Variants in RTN4R observed in about 807,000 individuals in gnomAD.
RTN4R encodes reticulon 4 receptor.
RTN4R carries 4 observed loss-of-function variants against 27.7 expected under a neutral mutation model. The ratio of observed to expected loss-of-function variants is 0.14; its 90% CI spans 0.07 to 0.33. The LOEUF is 0.33. Ranked by LOEUF, RTN4R falls within the 10% of genes least tolerant of loss-of-function variation. The pLI is 1.00. For synonymous variants in RTN4R, 290 were observed against 305.6 expected (o/e 0.95, Z 0.53); for missense variants, 554 against 671.5 (o/e 0.83, Z 1.93).
chr22:20,241,429 C>G lies in RTN4R; in HGVS notation c.*282G>C. On this transcript the variant is annotated 3_prime_UTR_variant, in exon 2 of 2. Coordinates refer to ENST00000043402, the MANE Select transcript of RTN4R (RefSeq NM_023004.6). The stretch of plus-strand genomic sequence containing the variant: ...GAGGCCACAGCTTAAGAAAAGAGCT[C>G]TTTATTCCACGTCGTCCGATATTTT... 1 of 510,298 alleles carries G rather than the reference C, an allele frequency of 2.0e-6. No homozygotes were observed. The highest frequency in any genetic ancestry group is 3.5e-5 in the East Asian group (1 of 28,316). The allele number at this position is 510,298 out of a possible 1,614,324, so 31.6% of individuals were successfully genotyped here. A position where few individuals can be genotyped will look rare whatever the true frequency, so the allele number is the denominator to read the frequency against.
At chr22:20,267,790 C>G (rs568018050) in intron 1 of RTN4R, 71 of 397,886 alleles carry the variant, frequency 1.8e-4, no homozygotes, top group African/African-American at 1.4e-3. Flanking sequence ...TCGACTTGGC[C>G]CAGCATCGGG....
intron 1 of RTN4R, among the ~76,000 whole-genome samples, chr22:20,262,588 A>T (rs371352126): frequency 6.6e-6 from 1 of 152,312 alleles, no homozygotes; most frequent in East Asian, 1.9e-4. Flanking sequence ...ACCAAGGGCC[A>T]GCCCTCCACA....
At position 20,242,769 on chromosome 22, in the gene RTN4R, C is replaced by T. The variant is rs1293232737; in HGVS notation, c.364G>A (p.Asp122Asn). 64 of 1,612,734 alleles carry T rather than the reference C, an allele frequency of 4.0e-5. No individual in the cohort carries two copies. The highest frequency in any genetic ancestry group is 5.3e-5 in the Non-Finnish European group (62 of 1,179,790). Residue 122 changes from aspartate (D) to asparagine (N), a missense_variant, in exon 2 of 2, where the codon GAC (aspartate) becomes AAC (asparagine). Transcript: ENST00000043402. ...CCCAGGCCGTGGAATGTGGCAGGGT[C>T]CACAGACCGGAGCTGTGCATTATCG... Reference protein sequence around the residue: ...LSDNAQLRSVDPATFHGLGRL... With the variant: ...LSDNAQLRSVNPATFHGLGRL...
intron 1 of RTN4R, among the ~76,000 whole-genome samples, chr22:20,245,646 A>G (rs1216659816): frequency 6.6e-6 from 1 of 152,164 alleles, no homozygotes; most frequent in African/African-American, 2.4e-5. Context: ...TGCAGCCTCA[A>G]GGCCACAAGG....
At chr22:20,246,056 C>T (rs973711510) in intron 1 of RTN4R, among the ~76,000 whole-genome samples, 5 of 152,238 alleles carry the variant, frequency 3.3e-5, no homozygotes, top group Non-Finnish European at 5.9e-5. Flanking sequence ...ATTAACATCT[C>T]TTCTTTCCTC....
At chr22:20,246,896 T>C (rs2051144416) in intron 1 of RTN4R, among the ~76,000 whole-genome samples, 3 of 152,172 alleles carry the variant, frequency 2.0e-5, no homozygotes, top group Non-Finnish European at 2.9e-5. Flanking sequence ...CAGCAATACA[T>C]TTACAGATTA....
At chr22:20,257,314 C>T (rs150531966) in intron 1 of RTN4R, among the ~76,000 whole-genome samples, 94 of 152,322 alleles carry the variant, frequency 6.2e-4, no homozygotes, top group African/African-American at 2.1e-3. Context: ...CCCAGATTCA[C>T]GTGTCGAAGC....
intron 1 of RTN4R, among the ~76,000 whole-genome samples, chr22:20,258,558 T>A (rs701421): frequency 0.58 from 88,405 of 152,086 alleles, 27,125 homozygotes; most frequent in African/African-American, 0.76. Context: ...GGGTAGCCCC[T>A]TGCAAGTGAG....
chr22:20,244,631 G>T (rs1367020148), intron 1 of RTN4R, among the ~76,000 whole-genome samples: 2 of 152,110 alleles, frequency 1.3e-5, no homozygotes, highest in Non-Finnish European at 2.9e-5. Flanking sequence ...TTTAAACTGC[G>T]GACACCCTCT....
At chr22:20,248,880 G>C (rs751943114) in intron 1 of RTN4R, among the ~76,000 whole-genome samples, 1 of 152,132 alleles carries the variant, frequency 6.6e-6, no homozygotes, top group Admixed American at 6.5e-5. Flanking sequence ...GTCAATGCTG[G>C]GCTGCCTGCG....
intron 1 of RTN4R, chr22:20,248,989 C>T (rs112245493): frequency 1.5e-5 from 6 of 412,162 alleles, no homozygotes; most frequent in South Asian, 1.0e-4. Flanking sequence ...ACTGGGGGCC[C>T]CTGGAGGCTC....
In RTN4R at chr22:20,256,657, G is replaced by A. The variant is rs372255979; in HGVS notation, c.22+11414C>T. Among the ~76,000 whole-genome samples the A allele has an allele frequency of 8.5e-5, 13 of 152,238 alleles. No individual in the cohort carries two copies. The Middle Eastern group carries it at 0.01, about 119-fold the overall frequency. ...CAACCCACCGGGCAGCCAGCCAGCCGGTGCCTCCCTCCCAGGCCAGGCCTG... is the reference window on the plus strand; with the variant it reads ...CAACCCACCGGGCAGCCAGCCAGCCAGTGCCTCCCTCCCAGGCCAGGCCTG... On this transcript the variant is annotated intron_variant, in intron 1 of 1. Coordinates refer to ENST00000043402, the MANE Select transcript of RTN4R (RefSeq NM_023004.6).
Position 20,268,085 on chromosome 22 carries a change from C to T in RTN4R, c.8G>A (p.Arg3Lys), listed in dbSNP as rs1236074503. 5 of 1,199,904 alleles carry T rather than the reference C, an allele frequency of 4.2e-6. No individual in the cohort carries two copies. The highest frequency in any genetic ancestry group is 4.0e-5 in the East Asian group (1 of 25,292). The allele number at this position is 1,199,904 out of a possible 1,614,324, so 74.3% of individuals were successfully genotyped here. A position where few individuals can be genotyped will look rare whatever the true frequency, so the allele number is the denominator to read the frequency against. Residue 3 changes from arginine to lysine, a missense_variant, in exon 1 of 2, where the codon AGG becomes AAG. Around this residue, in one of 2 missense-constraint regions of RTN4R, gnomAD observed 413 missense variants for 542.3 expected, o/e 0.76. Transcript: ENST00000043402. MK[R>K]ASAGGSRLLA... ...CGGACACTCACCTCCAGCGGACGCC[C>T]TCTTCATCGTAGGGGTTGGGCGGGG...
At position 20,250,638 on chromosome 22, in the gene RTN4R, C is replaced by T. The variant is rs544754363; in HGVS notation, c.23-7528G>A. ...AGACCTGGGCAAGGTCAGCATCTCA[C>T]GGAGGCCTAGGGTGAGGGGTTCTAG... On this transcript the variant is annotated intron_variant, in intron 1 of 1. Transcript: ENST00000043402. 3.3e-4 allele frequency among the ~76,000 whole-genome samples: 50 copies of T among 152,258 alleles called. No homozygotes were observed. In the South Asian group the frequency reaches 8.9e-3, roughly 27 times the overall value.
chr22:20,263,672 G>A (rs1409132906), intron 1 of RTN4R, among the ~76,000 whole-genome samples: 13 of 152,234 alleles, frequency 8.5e-5, no homozygotes, highest in Non-Finnish European at 1.8e-4. Context: ...CTTTCCACCT[G>A]CCAGGCCTGT....
At chr22:20,263,083 C>T (rs2051257137) in intron 1 of RTN4R, among the ~76,000 whole-genome samples, 1 of 152,252 alleles carries the variant, frequency 6.6e-6, no homozygotes, top group Non-Finnish European at 1.5e-5. Flanking sequence ...TTTCCCGTGA[C>T]ATTTGCTGCA....
At chr22:20,264,382 C>T (rs926705634) in intron 1 of RTN4R, among the ~76,000 whole-genome samples, 9 of 152,186 alleles carry the variant, frequency 5.9e-5, no homozygotes, top group African/African-American at 2.2e-4. Context: ...CCCAGCTGGG[C>T]CCCAGGGACA....
chr22:20,241,928 C>T lies in RTN4R; in HGVS notation c.1205G>A (p.Gly402Asp), dbSNP rs1185869259. 2 of 1,605,806 alleles carry T rather than the reference C, an allele frequency of 1.2e-6. No homozygotes were observed. Among genetic ancestry groups the T allele is most frequent in the African/African-American group, 1.3e-5 (1 of 74,854 alleles). Residue 402 changes from glycine to aspartate, a missense_variant, in exon 2 of 2, where the codon GGC becomes GAC. By Grantham distance (94) the Gly-to-Asp change is moderately conservative. Transcript: ENST00000043402. ...GGTGGGGAACCCTGGTGGCTCGGAG[C>T]CCTCGGGCCGCACTGCAGTGAGCGG... is the stretch of plus-strand genomic sequence containing the variant. ...EPPLTAVRPE[G>D]SEPPGFPTSG...
chr22:20,241,924 G>T lies in RTN4R; in HGVS notation c.1209C>A (p.Ser403=). 6.2e-7 allele frequency: 1 copy of T among 1,605,680 alleles called. No individual in the cohort carries two copies. Among genetic ancestry groups the T allele is most frequent in the Non-Finnish European group, 8.5e-7 (1 of 1,177,292 alleles). ...CCGAGGTGGGGAACCCTGGTGGCTC[G>T]GAGCCCTCGGGCCGCACTGCAGTGA... is the stretch of plus-strand genomic sequence containing the variant. ...PPLTAVRPEG[S]EPPGFPTSGP... The change falls in exon 2 of 2, where the codon TCC becomes TCA. Residue 403 remains serine (S), a synonymous_variant. Transcript: ENST00000043402.
Sources: gnomAD v4.1 joint callset for allele counts (sites outside exome capture counted in the v4.1 genomes callset) on GRCh38, gnomAD v4.1.1 for gene constraint, gnomAD v4.1.1 regional missense constraint, MANE v1.5 for transcripts, NCBI Gene and HGNC (gene_info 2026-07-23, HGNC 2026-07-21) for gene names.